The following AUTS2 variants were observed in gnomAD, a reference collection of about 807,000 sequenced individuals.
AUTS2 encodes the protein autism susceptibility gene 2 protein.
In AUTS2, 17 loss-of-function variants were observed where a neutral mutation model predicts 112.4. The observed-to-expected ratio is 0.15, with a 90% CI of 0.10 to 0.23. AUTS2 has a LOEUF of 0.23. Ranked by LOEUF, AUTS2 falls within the 10% of genes least tolerant of loss-of-function variation. The pLI is 1.00. For missense variants in AUTS2, 1,510 were observed against 1,701.6 expected (o/e 0.89, Z 1.98); for synonymous variants, 751 against 702.7 (o/e 1.07, Z -1.09).
At chr7:70,512,789 A>AT (rs1047447740) in intron 5 of AUTS2, among the ~76,000 whole-genome samples, 16 of 151,198 alleles carry the variant, frequency 1.1e-4, no homozygotes, top group South Asian at 2.1e-4. Flanking sequence ...ACCAGAGGAA[A>AT]TTTTTTTTTA....
At chr7:70,614,999 G>A (rs537559872) in intron 5 of AUTS2, among the ~76,000 whole-genome samples, 1 of 152,346 alleles carries the variant, frequency 6.6e-6, no homozygotes, top group African/African-American at 2.4e-5. Flanking sequence ...GGACGGTGTG[G>A]CTCATCTGCT....
At chr7:70,487,287 A>G (rs993293524) in intron 5 of AUTS2, among the ~76,000 whole-genome samples, 3 of 152,180 alleles carry the variant, frequency 2.0e-5, no homozygotes, top group Non-Finnish European at 4.4e-5. Context: ...TGTTGCATAA[A>G]GGGAAAATAT....
intron 5 of AUTS2, among the ~76,000 whole-genome samples, chr7:70,693,197 G>A (rs796158974): frequency 7.2e-5 from 11 of 152,350 alleles, no homozygotes; most frequent in African/African-American, 2.6e-4. Flanking sequence ...TCTGGTGGGA[G>A]TGGGTTGCTC....
intron 4 of AUTS2, among the ~76,000 whole-genome samples, chr7:70,255,751 T>C (rs1363404866): frequency 6.6e-6 from 1 of 152,234 alleles, no homozygotes; most frequent in African/African-American, 2.4e-5. Context: ...GATAGAACTT[T>C]TGTTGGATAC....
chr7:70,580,892 T>C (rs934023545), intron 5 of AUTS2, among the ~76,000 whole-genome samples: 1 of 152,152 alleles, frequency 6.6e-6, no homozygotes, highest in Non-Finnish European at 1.5e-5. Flanking sequence ...TGCTTGTGCA[T>C]TTGCCTCAGA....
chr7:69,857,981 C>A (rs1393407543), intron 1 of AUTS2, among the ~76,000 whole-genome samples: 1 of 152,158 alleles, frequency 6.6e-6, no homozygotes, highest in African/African-American at 2.4e-5. Context: ...TATGGGCAGT[C>A]TGATGGCACC....
At chr7:70,640,183 G>A (rs1026987506) in intron 5 of AUTS2, among the ~76,000 whole-genome samples, 2 of 151,988 alleles carry the variant, frequency 1.3e-5, no homozygotes, top group Non-Finnish European at 2.9e-5. Context: ...TACAGTACAC[G>A]GATGTGCATG....
intron 4 of AUTS2, among the ~76,000 whole-genome samples, chr7:70,166,560 TATG>T (rs1255446692): frequency 2.0e-5 from 3 of 152,160 alleles, no homozygotes; most frequent in Non-Finnish European, 4.4e-5. Context: ...CAAAGTAGAC[TATG>T]ATAAGTTAAG....
chr7:70,375,003 T>C (rs1427032957), intron 4 of AUTS2, among the ~76,000 whole-genome samples: 1 of 152,088 alleles, frequency 6.6e-6, no homozygotes, highest in Non-Finnish European at 1.5e-5. Context: ...CATTACCTGC[T>C]CCTCCTAGGA....
intron 4 of AUTS2, among the ~76,000 whole-genome samples, chr7:70,358,448 C>T (rs1436991634): frequency 2.0e-5 from 3 of 152,212 alleles, no homozygotes; most frequent in African/African-American, 7.2e-5. Context: ...TCCATACATC[C>T]AAGCTCCACC....
intron 2 of AUTS2, among the ~76,000 whole-genome samples, chr7:69,973,553 A>G (rs1225388370): frequency 2.0e-5 from 3 of 152,110 alleles, no homozygotes; most frequent in African/African-American, 7.2e-5. Context: ...GTTTAGTACA[A>G]TGTTAGCTGT....
chr7:70,276,560 G>A (rs1787939286), intron 4 of AUTS2, among the ~76,000 whole-genome samples: 1 of 151,948 alleles, frequency 6.6e-6, no homozygotes, highest in African/African-American at 2.4e-5. Context: ...TGTATTTTTA[G>A]TAGAGATAGG....
At chr7:69,711,242 GA>G (rs375598040) in intron 1 of AUTS2, among the ~76,000 whole-genome samples, 29 of 152,254 alleles carry the variant, frequency 1.9e-4, no homozygotes, top group African/African-American at 6.3e-4. Flanking sequence ...CAATTAACAT[GA>G]AAATGATAGT....
At chr7:70,350,474 G>A (rs1791696875) in intron 4 of AUTS2, among the ~76,000 whole-genome samples, 1 of 152,154 alleles carries the variant, frequency 6.6e-6, no homozygotes, top group Non-Finnish European at 1.5e-5. Flanking sequence ...CGAAGGAGGT[G>A]CAAAAGTACG....
intron 4 of AUTS2, among the ~76,000 whole-genome samples, chr7:70,377,355 T>TATATATATATATAGTG (rs1793150723): frequency 2.6e-5 from 3 of 116,344 alleles, no homozygotes; most frequent in African/African-American, 1.1e-4. Flanking sequence ...TATATATATA[T>TATATATATATATAGTG]ATATATATAT....
intron 1 of AUTS2, among the ~76,000 whole-genome samples, chr7:69,779,503 C>T (rs973710814): frequency 3.9e-5 from 6 of 152,024 alleles, no homozygotes; most frequent in African/African-American, 7.2e-5. Context: ...GTGGCTCACA[C>T]CTGTAATCCC....
intron 4 of AUTS2, among the ~76,000 whole-genome samples, chr7:70,157,520 A>G (rs1486719736): frequency 1.3e-5 from 2 of 151,844 alleles, no homozygotes; most frequent in Non-Finnish European, 2.9e-5. Context: ...GTCTCTCCCT[A>G]TGTTGCCCAG....
At chr7:69,957,570 C>T (rs946072542) in intron 2 of AUTS2, among the ~76,000 whole-genome samples, 3 of 151,824 alleles carry the variant, frequency 2.0e-5, no homozygotes, top group South Asian at 2.1e-4. Context: ...CTTATAGTTA[C>T]ATATATATTG....
At chr7:70,701,651 T>A (rs1319832843) in intron 6 of AUTS2, among the ~76,000 whole-genome samples, 1 of 151,776 alleles carries the variant, frequency 6.6e-6, no homozygotes, top group Non-Finnish European at 1.5e-5. Context: ...AAACAGCACA[T>A]GCTTGCATGT....
Sources: allele counts gnomAD v4.1 joint callset (sites outside exome capture counted in the v4.1 genomes callset), GRCh38; gene constraint gnomAD v4.1.1; transcripts MANE v1.5; gene names NCBI Gene and HGNC (gene_info 2026-07-23, HGNC 2026-07-21).